The following KCNG2 variants were observed in gnomAD, a reference collection of about 807,000 sequenced individuals.
KCNG2 encodes voltage-gated potassium channel regulatory subunit KCNG2.
In KCNG2, 7 loss-of-function variants were observed where a neutral mutation model predicts 12.3. The ratio of observed to expected loss-of-function variants is 0.57; its 90% CI spans 0.32 to 1.07. KCNG2 has a LOEUF of 1.07. Among genes scored for constraint, KCNG2 ranks in the 50% least tolerant of loss-of-function variants. The pLI, the probability that KCNG2 is intolerant of heterozygous loss-of-function variation, is 0.04. For synonymous variants in KCNG2, 414 were observed against 351.4 expected, an observed-to-expected ratio of 1.18 and a Z score of -1.99; for missense variants, 703 against 726.0, an observed-to-expected ratio of 0.97 and a Z score of 0.36.
At chr18:79,872,972 G>T (rs901130583) in intron 3 of KCNG2, among the ~76,000 whole-genome samples, 1 of 152,122 alleles carries the variant, frequency 6.6e-6, no homozygotes, top group East Asian at 1.9e-4. Context: ...GCCGGCGTGT[G>T]CTGTCCTCCT....
chr18:79,860,241 T>C (rs1434836691), intron 2 of KCNG2, among the ~76,000 whole-genome samples: 1 of 152,220 alleles, frequency 6.6e-6, no homozygotes, highest in Non-Finnish European at 1.5e-5. Context: ...CAAGTTTGTT[T>C]TGGCTACCTT....
Position 79,899,364 on chromosome 18 carries a change from CGCTGCGCGCGCGAGTTCGGGCTGCT to C in KCNG2, c.955_979del (p.Ala319CysfsTer41). ...GCGTTCGCTGGGCCTGACCATGCGC[CGCTGCGCGCGCGAGTTCGGGCTGCT>C]GCTGCTGTTCCTCTGCGTGGCCATG... On this transcript the variant is annotated frameshift_variant, in exon 4 of 4. Coordinates refer to ENST00000316249, the MANE Select transcript of KCNG2 (RefSeq NM_012283.2). LOFTEE classifies it low-confidence loss of function (END_TRUNC). 1 of 1,553,962 alleles carries C rather than the reference CGCTGCGCGCGCGAGTTCGGGCTGCT, an allele frequency of 6.4e-7. No individual in the cohort carries two copies. Among genetic ancestry groups the C allele is most frequent in the Non-Finnish European group, 8.6e-7 (1 of 1,156,370 alleles).
rs2087448492 is a variant in KCNG2, at chr18:79,806,231, C to T, written c.-115+8217C>T. Among the ~76,000 whole-genome samples, 5 of 152,124 alleles carry T rather than the reference C, an allele frequency of 3.3e-5. No individual in the cohort carries two copies. The South Asian group carries it at 8.3e-4, about 25-fold the overall frequency. On this transcript the variant is annotated intron_variant, in intron 1 of 3. Transcript: ENST00000316249. ...TGTGGTCTCAGGCAAGGCCGTCGTGCTGGGGGTTGGGGCGTGGGGCCATCA... is the reference window on the plus strand; with the variant it reads ...TGTGGTCTCAGGCAAGGCCGTCGTGTTGGGGGTTGGGGCGTGGGGCCATCA...
intron 3 of KCNG2, among the ~76,000 whole-genome samples, chr18:79,889,499 G>T (rs1980672048): frequency 6.6e-6 from 1 of 152,114 alleles, no homozygotes; most frequent in Non-Finnish European, 1.5e-5. Flanking sequence ...TTATTCTGAT[G>T]CATTTCTTCC....
Position 79,880,867 on chromosome 18 carries a change from T to C in KCNG2, c.624+16576T>C, listed in dbSNP as rs116319077. Among the ~76,000 whole-genome samples, 1,032 of 152,332 alleles carry C rather than the reference T, an allele frequency of 6.8e-3. 16 individuals carry two copies. Among genetic ancestry groups the C allele is most frequent in the African/African-American group, 0.024 (984 of 41,566 alleles). On this transcript the variant is annotated intron_variant, in intron 3 of 3. Coordinates refer to ENST00000316249, the MANE Select transcript of KCNG2 (RefSeq NM_012283.2). ...AATGCCAGCTGTTCATCTCAACAGA[T>C]GTAGAAAAAGCGTTTGACTAAATTC...
In KCNG2 at chr18:79,899,947, T is replaced by C. The variant is rs1284462421; in HGVS notation, c.*131T>C. On this transcript the variant is annotated 3_prime_UTR_variant, in exon 4 of 4. Transcript: ENST00000316249. The stretch of plus-strand genomic sequence containing the variant: ...CTGCCGGCCGCGTCCTCGGCCCTCG[T>C]GCGTGAGCAGCCCCAGAACTTGGCG... 1.2e-6 allele frequency: 1 copy of C among 843,772 alleles called. No individual in the cohort carries two copies. Among genetic ancestry groups the C allele is most frequent in the Admixed American group, 4.4e-5 (1 of 22,516 alleles). 52.3% of individuals were successfully genotyped at this position (843,772 alleles called of 1,614,324 possible).
intron 1 of KCNG2, among the ~76,000 whole-genome samples, chr18:79,820,430 C>A (rs2087562346): frequency 6.6e-6 from 1 of 152,192 alleles, no homozygotes; most frequent in Non-Finnish European, 1.5e-5. Flanking sequence ...CCTGAGGGGT[C>A]CAGTATCTCC....
rs560881420 is a variant in KCNG2 at position 79,854,859 on chromosome 18, T to C, written c.-114-1520T>C. Among the ~76,000 whole-genome samples the C allele has an allele frequency of 2.6e-5, 4 of 152,242 alleles. No homozygotes were observed. In the East Asian group the frequency reaches 5.8e-4, roughly 22 times the overall value. ...CTTCCTGGTAAACCACTTTTGGTGATTTTACTTTCTCCTCCATGTGTGACT... is the reference window on the plus strand; with the variant it reads ...CTTCCTGGTAAACCACTTTTGGTGACTTTACTTTCTCCTCCATGTGTGACT... On this transcript the variant is annotated intron_variant, in intron 1 of 3. Coordinates refer to ENST00000316249, the MANE Select transcript of KCNG2 (RefSeq NM_012283.2).
intron 2 of KCNG2, among the ~76,000 whole-genome samples, chr18:79,857,687 G>A (rs752841496): frequency 3.3e-5 from 5 of 151,900 alleles, no homozygotes; most frequent in Middle Eastern, 3.4e-3. Flanking sequence ...GGAAGGCAGC[G>A]GCTCTCAAGC....
intron 1 of KCNG2, among the ~76,000 whole-genome samples, chr18:79,847,338 T>G (rs2123043936): frequency 6.6e-6 from 1 of 152,232 alleles, no homozygotes; most frequent in Non-Finnish European, 1.5e-5. Context: ...ACAGTATCCC[T>G]GGCCTCCATG....
chr18:79,859,258 G>A (rs1434512083), intron 2 of KCNG2, among the ~76,000 whole-genome samples: 1 of 152,082 alleles, frequency 6.6e-6, no homozygotes, highest in African/African-American at 2.4e-5. Context: ...GTGTGATGTA[G>A]GCATCTTGGT....
chr18:79,863,862 C>T lies in KCNG2; in HGVS notation c.195C>T (p.Ser65=), dbSNP rs757934689. 4 of 1,470,028 alleles carry T rather than the reference C, an allele frequency of 2.7e-6. No individual in the cohort carries two copies. Among genetic ancestry groups the T allele is most frequent in the East Asian group, 3.0e-5 (1 of 33,812 alleles). The allele number at this position is 1,470,028 out of a possible 1,614,324, so 91.1% of individuals were successfully genotyped here. The change falls in exon 3 of 4, where the codon AGC becomes AGT. Residue 65 remains serine, a synonymous_variant. Coordinates refer to ENST00000316249, the MANE Select transcript of KCNG2 (RefSeq NM_012283.2). ...GCGTGTGTGACGACTACGACGTGAGCCGCGACGAGTTCTTCTTCGACCGCA... is the reference window on the plus strand; with the variant it reads ...GCGTGTGTGACGACTACGACGTGAGTCGCGACGAGTTCTTCTTCGACCGCA... The part of the protein sequence containing the change: ...LLRVCDDYDV[S]RDEFFFDRSP...
chr18:79,830,119 G>A (rs1024401733), intron 1 of KCNG2, among the ~76,000 whole-genome samples: 1 of 55,604 alleles, frequency 1.8e-5, no homozygotes, highest in South Asian at 9.2e-4. Flanking sequence ...ACGTGGCCAC[G>A]AGTAGATTCT....
intron 3 of KCNG2, among the ~76,000 whole-genome samples, chr18:79,874,111 C>T (rs1821465650): frequency 6.6e-6 from 1 of 152,200 alleles, no homozygotes; most frequent in South Asian, 2.1e-4. Flanking sequence ...CCTTGGCCCT[C>T]ACATTCGGCC....
chr18:79,818,504 G>A lies in KCNG2; in HGVS notation c.-115+20490G>A, dbSNP rs868564766. Among the ~76,000 whole-genome samples, 6 of 152,130 alleles carry A rather than the reference G, an allele frequency of 3.9e-5. 1 individual carries two copies. The Middle Eastern group carries it at 0.01, about 259-fold the overall frequency. On this transcript the variant is annotated intron_variant, in intron 1 of 3. Coordinates refer to ENST00000316249, the MANE Select transcript of KCNG2 (RefSeq NM_012283.2). The stretch of plus-strand genomic sequence containing the variant: ...CACGTCAGGAAACTATCTTAACTGA[G>A]AATTATGTTCCTGAGACAGGTGATG...
intron 1 of KCNG2, among the ~76,000 whole-genome samples, chr18:79,798,755 G>T (rs1450476394): frequency 6.6e-6 from 1 of 152,246 alleles, no homozygotes; most frequent in Non-Finnish European, 1.5e-5. Flanking sequence ...GGTCCGGACT[G>T]TGGTCACTGG....
chr18:79,864,768 C>T (rs912838312), intron 3 of KCNG2, among the ~76,000 whole-genome samples: 8 of 149,094 alleles, frequency 5.4e-5, no homozygotes, highest in Non-Finnish European at 1.2e-4. Context: ...GGTCTGGGTG[C>T]CGAGGTCTGT....
At chr18:79,855,739 G>A (rs542964196) in intron 1 of KCNG2, among the ~76,000 whole-genome samples, 84 of 152,150 alleles carry the variant, frequency 5.5e-4, no homozygotes, top group African/African-American at 1.9e-3. Context: ...CTCTGCCCTC[G>A]TGCTGTGACG....
chr18:79,879,155 AC>A (rs1255418208), intron 3 of KCNG2, among the ~76,000 whole-genome samples: 2 of 152,104 alleles, frequency 1.3e-5, no homozygotes, highest in Non-Finnish European at 2.9e-5. Context: ...CTGCAGCCAG[AC>A]CTCCAGCCCC....
Sources: gnomAD v4.1 joint callset for allele counts (sites outside exome capture counted in the v4.1 genomes callset) on GRCh38, gnomAD v4.1.1 for gene constraint, MANE v1.5 for transcripts, NCBI Gene and HGNC (gene_info 2026-07-23, HGNC 2026-07-21) for gene names.